The following SH2B2 variants were observed in gnomAD, a reference collection of about 807,000 sequenced individuals.
SH2B2 encodes SH2B adapter protein 2.
Under a neutral mutation model 35.7 loss-of-function variants are expected in SH2B2, and 37 were observed. The observed-to-expected ratio is 1.04, with a 90% CI of 0.80 to 1.36. The LOEUF (loss-of-function observed/expected upper bound fraction) is 1.36, where lower values mean the gene tolerates loss of function less well. Ranked by LOEUF, SH2B2 falls within the 40% of genes most tolerant of loss-of-function variation. The pLI, the probability that SH2B2 is intolerant of heterozygous loss-of-function variation, is 0.00. For synonymous variants in SH2B2, 383 were observed against 376.4 expected, an observed-to-expected ratio of 1.02 and a Z score of -0.20; for missense variants, 852 against 817.7, an observed-to-expected ratio of 1.04 and a Z score of -0.51.
At chr7:102,285,792 G>A (rs1554550763), upstream of SH2B2, among the ~76,000 whole-genome samples, 1 of 152,190 alleles carries the variant, frequency 6.6e-6, no homozygotes. Flanking sequence ...GGGGGCAGGG[G>A]ACAAGGAGGG....
chr7:102,286,795 G>A (rs1792467791), upstream of SH2B2: 2 of 134,282 alleles, frequency 1.5e-5, no homozygotes, highest in African/African-American at 5.4e-5. Context: ...GCGAGGGGGG[G>A]CGGGGCCGGG....
intron 4 of SH2B2, among the ~76,000 whole-genome samples, chr7:102,313,280 T>TA (rs1160087539): frequency 5.8e-4 from 66 of 114,534 alleles, no homozygotes; most frequent in African/African-American, 2.3e-3. Context: ...CTGCAAAAAA[T>TA]ACAAAAAAAA....
intron 7 of SH2B2, among the ~76,000 whole-genome samples, chr7:102,319,451 G>C (rs1300333332): frequency 2.0e-5 from 3 of 152,092 alleles, no homozygotes; most frequent in African/African-American, 7.2e-5. Flanking sequence ...TGTTGGCCAG[G>C]CTGGTCTTGA....
chr7:102,293,869 G>C (rs1426279706), intron 1 of SH2B2, among the ~76,000 whole-genome samples: 6 of 152,092 alleles, frequency 3.9e-5, no homozygotes, highest in Non-Finnish European at 7.4e-5. Flanking sequence ...ATCTCCCAGA[G>C]CCCAGTCCAG....
rs537304073 is a variant in SH2B2 at position 102,293,522 on chromosome 7, C to T, written c.-30+6428C>T. ...GAGAAGGCAGACAGCCCAGCTGAGC[C>T]TAGAAAAACCGGAGGTGGGGGGGTG... On this transcript the variant is annotated intron_variant, in intron 1 of 8. Transcript: ENST00000444095. 2.9e-3 allele frequency among the ~76,000 whole-genome samples: 438 copies of T among 150,644 alleles called. 6 individuals are homozygous for T. The highest frequency in any genetic ancestry group is 0.01 in the African/African-American group (414 of 41,008).
rs1344042062 is a variant in SH2B2, at chr7:102,313,449, AAAAC to A, written c.924-871_924-868del. On this transcript the variant is annotated intron_variant, in intron 4 of 8. Transcript: ENST00000444095. ...GGTGACAGAGCAAGACTCCCATCTC[AAAAC>A]AAACAAACAAACAAAAAAGATGGGG... Among the ~76,000 whole-genome samples, 236 of 152,104 alleles carry A rather than the reference AAAAC, an allele frequency of 1.6e-3. 1 individual carries two copies. Among genetic ancestry groups the A allele is most frequent in the Non-Finnish European group, 1.8e-3 (122 of 67,992 alleles).
In SH2B2 at chr7:102,314,415, C is replaced by T. The variant is rs1364213747; in HGVS notation, c.1003C>T (p.Leu335Phe). 7.5e-6 allele frequency: 3 copies of T among 398,730 alleles called. No individual in the cohort carries two copies. Among genetic ancestry groups the T allele is most frequent in the Non-Finnish European group, 1.3e-5 (3 of 226,268 alleles). The allele number at this position is 398,730 out of a possible 1,614,324, so 24.7% of individuals were successfully genotyped here. ...CCGCGTGGCCTCCTGCAGCTGTGAG[C>T]TCCTGACTGATGGTAGGTAGGGGGA... ...ASRVASCSCE[L>F]LTDAVDLPRP... The change falls in exon 5 of 9, where the codon CTC becomes TTC. Residue 335 changes from leucine to phenylalanine, a missense_variant. Transcript: ENST00000444095.
chr7:102,314,708 C>T, intron 6 of SH2B2, 26 bp downstream of exon 6: 1 of 398,720 alleles, frequency 2.5e-6, no homozygotes, highest in Admixed American at 4.4e-5. Flanking sequence ...GCCTGCTCTT[C>T]CCATCCCACC....
Position 102,301,044 on chromosome 7 carries a change from C to G in SH2B2, c.494C>G (p.Ala165Gly), listed in dbSNP as rs1793158673. ...TCGCCCGAGCCCGACGCGGCAGCTG[C>G]CCCGCGCACCGCCGAGCCCCGCGAC... ...RASPEPDAAA[A>G]PRTAEPRDKW... The change falls in exon 2 of 9, where the codon GCC becomes GGC. Residue 165 changes from alanine to glycine, a missense_variant. Transcript: ENST00000444095. 2 of 1,369,476 alleles carry G rather than the reference C, an allele frequency of 1.5e-6. No homozygotes were observed. Among genetic ancestry groups the G allele is most frequent in the African/African-American group, 3.1e-5 (2 of 64,770 alleles). 84.8% of individuals were successfully genotyped at this position (1,369,476 alleles called of 1,614,324 possible). A position where few individuals can be genotyped will look rare whatever the true frequency, so the allele number is the denominator to read the frequency against.
intron 4 of SH2B2, among the ~76,000 whole-genome samples, chr7:102,311,475 G>A (rs960811767): frequency 6.6e-6 from 1 of 150,994 alleles, no homozygotes; most frequent in South Asian, 2.1e-4. Context: ...GGCTCGTCTC[G>A]AACTCTTGAC....
chr7:102,306,263 T>G (rs1212886985), intron 2 of SH2B2, among the ~76,000 whole-genome samples: 1 of 152,112 alleles, frequency 6.6e-6, no homozygotes, highest in Non-Finnish European at 1.5e-5. Context: ...ATTTTGTATA[T>G]TTTTTAGTAG....
At chr7:102,311,946 G>A (rs1305381171) in intron 4 of SH2B2, among the ~76,000 whole-genome samples, 4 of 151,682 alleles carry the variant, frequency 2.6e-5, no homozygotes, top group East Asian at 2.0e-4. Flanking sequence ...AGGTGGAGGC[G>A]GGCCCGCTGT....
chr7:102,317,012 A>G (rs1793857377), intron 6 of SH2B2, 175 bp from the exon 7 acceptor site: 3 of 587,150 alleles, frequency 5.1e-6, no homozygotes, highest in Non-Finnish European at 5.8e-6. Context: ...ACAAGAGCGA[A>G]ACTTCGTCTC....
At chr7:102,301,901 C>G (rs1322056671) in intron 2 of SH2B2, among the ~76,000 whole-genome samples, 1 of 151,164 alleles carries the variant, frequency 6.6e-6, no homozygotes, top group Non-Finnish European at 1.5e-5. Context: ...AGACAGGGGC[C>G]GTCACTCAGG....
In SH2B2 at chr7:102,297,221, G is replaced by A. The variant is rs972363256; in HGVS notation, c.-29-3301G>A. On this transcript the variant is annotated intron_variant, in intron 1 of 8. Transcript: ENST00000444095. The surrounding 1 kb of genome is among the most constrained non-coding windows in gnomAD (Gnocchi z 4.3). ...TCTGGCATATCCGCACTCTGGATAC[G>A]ACCCGCTCGCCACTTAGGAGTTGTC... Among the ~76,000 whole-genome samples, 7 of 151,994 alleles carry A rather than the reference G, an allele frequency of 4.6e-5. No individual in the cohort carries two copies. In the East Asian group the frequency reaches 9.6e-4, roughly 21 times the overall value.
intron 1 of SH2B2, among the ~76,000 whole-genome samples, chr7:102,290,058 G>C (rs888114187): frequency 6.6e-6 from 1 of 151,954 alleles, no homozygotes; most frequent in African/African-American, 2.4e-5. Flanking sequence ...CGCACTTCCT[G>C]CAGAGCCCAG....
intron 4 of SH2B2, among the ~76,000 whole-genome samples, chr7:102,312,638 T>TC (rs1793669858): frequency 6.6e-6 from 1 of 152,200 alleles, no homozygotes; most frequent in African/African-American, 2.4e-5. Context: ...TTTCTTTCTT[T>TC]CTTTTTTTCT....
chr7:102,294,994 C>T (rs912454603), intron 1 of SH2B2, among the ~76,000 whole-genome samples: 2 of 152,154 alleles, frequency 1.3e-5, no homozygotes, highest in African/African-American at 4.8e-5. Context: ...CCTGGCCACA[C>T]CTGCCATGCC....
chr7:102,315,114 G>A (rs997648202), intron 6 of SH2B2, among the ~76,000 whole-genome samples: 14 of 151,820 alleles, frequency 9.2e-5, no homozygotes, highest in Admixed American at 2.6e-4. Context: ...ACTTGAACCC[G>A]GGAGGCGGAG....
Sources: allele counts gnomAD v4.1 joint callset (sites outside exome capture counted in the v4.1 genomes callset), GRCh38; gene constraint gnomAD v4.1.1; non-coding constraint Gnocchi (gnomAD v3.1); transcripts MANE v1.5; gene names NCBI Gene and HGNC (gene_info 2026-07-23, HGNC 2026-07-21).